The following PDE2A variants were observed in gnomAD, a reference collection of about 807,000 sequenced individuals.
PDE2A encodes phosphodiesterase 2A, also known as cGMP-dependent 3',5'-cyclic phosphodiesterase.
PDE2A carries 53 observed loss-of-function variants against 133.6 expected under a neutral mutation model. That is an observed-to-expected ratio of 0.40 (90% CI 0.32 to 0.50). The LOEUF (loss-of-function observed/expected upper bound fraction) is 0.50. Ranked by LOEUF, PDE2A falls within the 20% of genes least tolerant of loss-of-function variation. The probability of loss-of-function intolerance (pLI) is 0.73; values close to 1 mark genes in which losing one functional copy is unlikely to be tolerated. For synonymous variants in PDE2A, 491 were observed against 490.2 expected, an observed-to-expected ratio of 1.00 and a Z score of -0.02; for missense variants, 796 against 1,232.4, an observed-to-expected ratio of 0.65 and a Z score of 5.30.
intron 1 of PDE2A, among the ~76,000 whole-genome samples, chr11:72,651,788 T>C (rs1277066310): frequency 6.6e-6 from 1 of 152,244 alleles, no homozygotes. Flanking sequence ...CTTTCCTGGC[T>C]GCCCAAGTGA....
At chr11:72,598,326 C>A (rs939682596) in intron 4 of PDE2A, among the ~76,000 whole-genome samples, 2 of 152,140 alleles carry the variant, frequency 1.3e-5, no homozygotes, top group Non-Finnish European at 2.9e-5. Context: ...TTCCCAAATA[C>A]CTGTGGAGGT....
At position 72,580,961 on chromosome 11, in the gene PDE2A, G is replaced by C; in HGVS notation, c.2058C>G (p.Ile686Met). The change falls in exon 24 of 31, where the codon ATC becomes ATG. Residue 686 changes from isoleucine to methionine, a missense_variant. By Grantham distance (10) the Ile-to-Met change is conservative. This residue lies in a region of PDE2A where 218 missense variants were observed against 465.9 expected (regional missense o/e 0.47). Coordinates refer to ENST00000334456, the MANE Select transcript of PDE2A (RefSeq NM_002599.5). ...ACATGCAGGAAATAAACAAGGCAAA[G>C]ATCTCGATGTCCCTGGTTGAGAGGC... is the stretch of plus-strand genomic sequence containing the variant. ...ELTNYLEDIE[I>M]FALFISCMCH... 1.2e-6 allele frequency: 2 copies of C among 1,611,208 alleles called. No homozygotes were observed.
At chr11:72,625,204 G>A (rs7123699) in intron 2 of PDE2A, among the ~76,000 whole-genome samples, 2 of 152,114 alleles carry the variant, frequency 1.3e-5, no homozygotes, top group African/African-American at 4.8e-5. Flanking sequence ...CCAACATTCC[G>A]GCTGGATCCA....
At chr11:72,599,632 A>G (rs1439638451) in intron 4 of PDE2A, among the ~76,000 whole-genome samples, 1 of 152,178 alleles carries the variant, frequency 6.6e-6, no homozygotes, top group African/African-American at 2.4e-5. Context: ...CCAAGCCTCT[A>G]GCCTCCTAGC....
intron 18 of PDE2A, 111 bp downstream of exon 18, chr11:72,584,440 C>T: frequency 7.4e-7 from 1 of 1,352,702 alleles, no homozygotes; most frequent in South Asian, 1.2e-5. Context: ...AACCCGACTC[C>T]CTTATGCTCC....
chr11:72,591,904 TC>T (rs1262078121), intron 6 of PDE2A, among the ~76,000 whole-genome samples: 1 of 152,220 alleles, frequency 6.6e-6, no homozygotes, highest in Non-Finnish European at 1.5e-5. Flanking sequence ...GATGCAAGCC[TC>T]CACCTGGCAG....
chr11:72,616,085 G>T (rs1424716071), intron 2 of PDE2A, among the ~76,000 whole-genome samples: 3 of 152,202 alleles, frequency 2.0e-5, no homozygotes, highest in Non-Finnish European at 4.4e-5. Flanking sequence ...CAAGAGGCAG[G>T]CATGGTGGCT....
At chr11:72,612,449 GT>G (rs1181270955) in intron 2 of PDE2A, among the ~76,000 whole-genome samples, 4 of 152,082 alleles carry the variant, frequency 2.6e-5, no homozygotes, top group African/African-American at 9.7e-5. Context: ...AGAACTTGTG[GT>G]GTGTAGAAAA....
chr11:72,658,741 AAC>A (rs1308378173), intron 1 of PDE2A, among the ~76,000 whole-genome samples: 1 of 152,216 alleles, frequency 6.6e-6, no homozygotes, highest in East Asian at 1.9e-4. Flanking sequence ...GCATTTACTG[AAC>A]ACCTACTTTG....
At chr11:72,629,323 C>A (rs1206992244) in intron 2 of PDE2A, among the ~76,000 whole-genome samples, 1 of 152,214 alleles carries the variant, frequency 6.6e-6, no homozygotes, top group South Asian at 2.1e-4. Flanking sequence ...TGGAGCCATA[C>A]TCCTTCCCTC....
chr11:72,639,411 C>T (rs1480226304), intron 2 of PDE2A, among the ~76,000 whole-genome samples: 3 of 152,194 alleles, frequency 2.0e-5, no homozygotes, highest in South Asian at 2.1e-4. Flanking sequence ...TGCTCAGCCC[C>T]GCTGACATGA....
At chr11:72,655,545 G>A (rs1381930296) in intron 1 of PDE2A, among the ~76,000 whole-genome samples, 2 of 151,984 alleles carry the variant, frequency 1.3e-5, no homozygotes, top group Non-Finnish European at 2.9e-5. Context: ...GTGTGCACAG[G>A]TGAGTCAGTA....
intron 4 of PDE2A, among the ~76,000 whole-genome samples, chr11:72,601,858 T>C (rs542751385): frequency 2.0e-5 from 3 of 152,158 alleles, no homozygotes; most frequent in African/African-American, 7.2e-5. Flanking sequence ...CAGCCCTCAA[T>C]ATCAGAATGT....
Position 72,584,957 on chromosome 11 carries a change from G to C in PDE2A, c.1287-13C>G. 6.2e-7 allele frequency: 1 copy of C among 1,613,952 alleles called. No individual in the cohort carries two copies. The highest frequency in any genetic ancestry group is 1.1e-5 in the South Asian group (1 of 91,074). Reference sequence around the variant, plus strand: ...GAACACAGAGCAGCTGTGGAGGGAGGGGTTTGGTCCTCTGGGGCCTGACAA... The same window carrying C: ...GAACACAGAGCAGCTGTGGAGGGAGCGGTTTGGTCCTCTGGGGCCTGACAA... On this transcript the variant is annotated splice_polypyrimidine_tract_variant and intron_variant, in intron 16 of 30. Transcript: ENST00000334456.
Position 72,590,006 on chromosome 11 carries a change from G to C in PDE2A, c.757-25C>G. On this transcript the variant is annotated intron_variant, in intron 9 of 30. Coordinates refer to ENST00000334456, the MANE Select transcript of PDE2A (RefSeq NM_002599.5). This position sits in a 1 kb window ranked among gnomAD's most constrained non-coding sequence, Gnocchi z 4.8. Reference sequence around the variant, plus strand: ...GCTGAGAGAGGGACAGGCAGGGCGAGGGGGTGACCGCGGATCCGGGTCACC... The same window carrying C: ...GCTGAGAGAGGGACAGGCAGGGCGACGGGGTGACCGCGGATCCGGGTCACC... 3.1e-6 allele frequency: 5 copies of C among 1,595,746 alleles called. No individual in the cohort carries two copies. The highest frequency in any genetic ancestry group is 4.3e-6 in the Non-Finnish European group (5 of 1,169,360).
Position 72,580,604 on chromosome 11 carries a change from G to A in PDE2A, c.2154C>T (p.Leu718=), listed in dbSNP as rs1402455814. ...QVASKSVLAA[L]YSSEGSVMER... ...CCATGACGGAGCCCTCAGAGCTGTA[G>A]AGCGCAGCCAGCACAGATTTCTGGA... Residue 718 remains leucine, a synonymous_variant, in exon 25 of 31, where the codon CTC becomes CTT. Transcript: ENST00000334456. The A allele has an allele frequency of 4.5e-6, 7 of 1,568,222 alleles. No homozygotes were observed. The African/African-American group carries it at 8.1e-5, about 18-fold the overall frequency.
Position 72,581,956 on chromosome 11 carries a change from G to A in PDE2A, c.1852-9C>T. The A allele has an allele frequency of 6.2e-7, 1 of 1,612,944 alleles. No homozygotes were observed. The highest frequency in any genetic ancestry group is 8.5e-7 in the Non-Finnish European group (1 of 1,179,018). ...AGCATGCTCAGGATGGCCTGGAGAG[G>A]GCAGAGGGAGGTATCAGAGGGGCTG... is the stretch of plus-strand genomic sequence containing the variant. On this transcript the variant is annotated splice_polypyrimidine_tract_variant and intron_variant, in intron 21 of 30. Transcript: ENST00000334456.
At chr11:72,652,788 C>T (rs200031596) in intron 1 of PDE2A, 4 of 449,438 alleles carry the variant, frequency 8.9e-6, no homozygotes, top group African/African-American at 8.0e-5. Flanking sequence ...AAGCTTGTGC[C>T]TCTTGCAGCA....
chr11:72,634,192 T>A (rs570307856), intron 2 of PDE2A, among the ~76,000 whole-genome samples: 1 of 151,570 alleles, frequency 6.6e-6, no homozygotes, highest in East Asian at 1.9e-4. Context: ...GGTGGCAGAG[T>A]CACGACAGGA....
Sources: allele counts gnomAD v4.1 joint callset (sites outside exome capture counted in the v4.1 genomes callset), GRCh38; gene constraint gnomAD v4.1.1; regional missense constraint gnomAD v4.1.1; non-coding constraint Gnocchi (gnomAD v3.1); transcripts MANE v1.5; gene names NCBI Gene and HGNC (gene_info 2026-07-23, HGNC 2026-07-21).